Variants in PRKCB observed in about 807,000 individuals in gnomAD.
The protein encoded by PRKCB is protein kinase C beta, also known as protein kinase C beta type.
A neutral mutation model predicts 81.5 loss-of-function variants in PRKCB; 13 were observed. The ratio of observed to expected loss-of-function variants is 0.16; its 90% confidence interval spans 0.10 to 0.25. The LOEUF (loss-of-function observed/expected upper bound fraction) is 0.25, where lower values mean the gene tolerates loss of function less well. PRKCB is among the 10% of genes least tolerant of loss of function. The pLI is 1.00. For missense variants in PRKCB, 509 were observed against 875.7 expected (o/e 0.58, Z 5.29); for synonymous variants, 335 against 321.4 (o/e 1.04, Z -0.45).
At position 24,039,510 on chromosome 16, in the gene PRKCB, G is replaced by A. The variant is rs552124290; in HGVS notation, c.529+3963G>A. On this transcript the variant is annotated intron_variant, in intron 5 of 16. Coordinates refer to ENST00000643927, the MANE Select transcript of PRKCB (RefSeq NM_002738.7). ...CTCCCAAAGTGTTGGGATTACAGGC[G>A]TGAGCCACTGTGCCGGCCTAAATGT... Among the ~76,000 whole-genome samples, 11 of 152,276 alleles carry A rather than the reference G, an allele frequency of 7.2e-5. 1 individual carries two copies. In the South Asian group the frequency reaches 8.3e-4, roughly 11 times the overall value.
At chr16:24,128,100 G>A (rs946431368) in intron 9 of PRKCB, among the ~76,000 whole-genome samples, 7 of 128,016 alleles carry the variant, frequency 5.5e-5, no homozygotes, top group Admixed American at 8.3e-5. Flanking sequence ...CTAATGGCCA[G>A]GTGCGGTGGT....
intron 7 of PRKCB, among the ~76,000 whole-genome samples, chr16:24,107,909 G>A (rs1966598910): frequency 6.6e-6 from 1 of 152,212 alleles, no homozygotes; most frequent in South Asian, 2.1e-4. Context: ...ATGGTTCACA[G>A]TCAGGGCATA....
chr16:24,195,484 G>A (rs1967865246), intron 16 of PRKCB, among the ~76,000 whole-genome samples: 1 of 152,140 alleles, frequency 6.6e-6, no homozygotes, highest in Admixed American at 6.5e-5. Flanking sequence ...AAAAAACAAG[G>A]AACAATAACA....
chr16:23,879,031 A>G (rs554547832), intron 2 of PRKCB, among the ~76,000 whole-genome samples: 2 of 152,234 alleles, frequency 1.3e-5, no homozygotes, highest in African/African-American at 4.8e-5. Context: ...CAAAAAAATC[A>G]GTGGGGCGTG....
intron 5 of PRKCB, among the ~76,000 whole-genome samples, chr16:24,061,910 T>TAAAAAA (rs1210402981): frequency 4.3e-3 from 399 of 93,042 alleles, no homozygotes; most frequent in East Asian, 6.5e-3. Context: ...CTTAAATAAA[T>TAAAAAA]AAAAAAAAAA....
chr16:24,021,023 T>TCCCTCCCTCCCTCCCTCCTTC (rs1567346696), intron 3 of PRKCB, among the ~76,000 whole-genome samples: 2 of 135,440 alleles, frequency 1.5e-5, no homozygotes, highest in Non-Finnish European at 3.2e-5. Flanking sequence ...TTTCTTTCTT[T>TCCCTCCCTCCCTCCCTCCTTC]CTTTCTTTCT....
At chr16:24,105,890 CT>C (rs1330857972) in intron 7 of PRKCB, among the ~76,000 whole-genome samples, 2 of 152,048 alleles carry the variant, frequency 1.3e-5, no homozygotes, top group Non-Finnish European at 2.9e-5. Context: ...ATCTGAAGAT[CT>C]TTTTTCCACA....
intron 3 of PRKCB, among the ~76,000 whole-genome samples, chr16:24,003,943 G>T (rs1965077033): frequency 6.6e-6 from 1 of 152,190 alleles, no homozygotes; most frequent in Non-Finnish European, 1.5e-5. Context: ...CTACAAGCCA[G>T]TCTCATACAT....
At chr16:23,848,630 G>A (rs574092190) in intron 2 of PRKCB, among the ~76,000 whole-genome samples, 78 of 152,282 alleles carry the variant, frequency 5.1e-4, no homozygotes, top group Admixed American at 2.4e-3. Context: ...GTCACCCAGT[G>A]GGTACGTGTT....
chr16:24,147,924 C>A lies in PRKCB; in HGVS notation c.1066-6760C>A, dbSNP rs140709959. 1.1e-4 allele frequency among the ~76,000 whole-genome samples: 16 copies of A among 152,300 alleles called. No homozygotes were observed. The East Asian group carries it at 2.9e-3, about 28-fold the overall frequency. On this transcript the variant is annotated intron_variant, in intron 9 of 16. Transcript: ENST00000643927. ...TGTTATAAAGTCCAAACTGTCCCAA[C>A]GTTGCCCTTTTTTTCCTTGGCACAA...
At chr16:24,160,197 T>G (rs962185945) in intron 10 of PRKCB, among the ~76,000 whole-genome samples, 7 of 148,446 alleles carry the variant, frequency 4.7e-5, no homozygotes, top group African/African-American at 1.5e-4. Flanking sequence ...GGTGTTTTTT[T>G]TTTTTTTTTT....
intron 8 of PRKCB, among the ~76,000 whole-genome samples, chr16:24,117,332 A>G (rs1254630852): frequency 1.3e-5 from 2 of 152,176 alleles, no homozygotes; most frequent in African/African-American, 4.8e-5. Flanking sequence ...AGAACATCAG[A>G]GCTGGCTGTT....
chr16:24,040,567 G>A (rs754736112), intron 5 of PRKCB, among the ~76,000 whole-genome samples: 1 of 152,096 alleles, frequency 6.6e-6, no homozygotes, highest in African/African-American at 2.4e-5. Context: ...CCATGAGGGC[G>A]GGACTGTGTC....
intron 2 of PRKCB, among the ~76,000 whole-genome samples, chr16:23,941,905 G>T (rs1294377802): frequency 6.6e-6 from 1 of 151,942 alleles, no homozygotes; most frequent in Non-Finnish European, 1.5e-5. Flanking sequence ...AATGAAACAA[G>T]AAAAGAAACA....
At chr16:24,162,441 A>ATTTTT (rs1567397400) in intron 10 of PRKCB, among the ~76,000 whole-genome samples, 2 of 119,800 alleles carry the variant, frequency 1.7e-5, no homozygotes, top group Non-Finnish European at 3.4e-5. Context: ...AACAGAGAAG[A>ATTTTT]CTTTTTTTTT....
At chr16:24,195,462 G>C (rs1485407101) in intron 16 of PRKCB, among the ~76,000 whole-genome samples, 1 of 152,294 alleles carries the variant, frequency 6.6e-6, no homozygotes, top group East Asian at 1.9e-4. Context: ...ATTAAATAGA[G>C]TGTGGTGAGA....
chr16:23,967,225 A>G (rs1232410127), intron 2 of PRKCB, among the ~76,000 whole-genome samples: 1 of 152,186 alleles, frequency 6.6e-6, no homozygotes, highest in Non-Finnish European at 1.5e-5. Flanking sequence ...CACAGAGCAG[A>G]TGACGCTGCC....
At chr16:23,900,718 G>GTTTTTTTTTTTTTTTTTTTTTTTTTTT (rs56897816) in intron 2 of PRKCB, among the ~76,000 whole-genome samples, 1 of 62,232 alleles carries the variant, frequency 1.6e-5, no homozygotes, top group African/African-American at 7.0e-5. Context: ...AGCTGCACAG[G>GTTTTTTTTTTTTTTTTTTTTTTTTTTT]TTTTTTTTTT....
At chr16:23,915,371 G>A (rs1000834535) in intron 2 of PRKCB, among the ~76,000 whole-genome samples, 4 of 151,952 alleles carry the variant, frequency 2.6e-5, no homozygotes, top group African/African-American at 7.2e-5. Context: ...GCCTTGCCCC[G>A]GAAGGAGTGA....
Sources: gnomAD v4.1 joint callset for allele counts (sites outside exome capture counted in the v4.1 genomes callset) on GRCh38, gnomAD v4.1.1 for gene constraint, MANE v1.5 for transcripts, NCBI Gene and HGNC (gene_info 2026-07-23, HGNC 2026-07-21) for gene names.